The following ALKBH8 variants were observed in gnomAD, a reference collection of about 807,000 sequenced individuals.
The protein encoded by ALKBH8 is tRNA (carboxymethyluridine(34)-5-O)-methyltransferase ALKBH8.
In ALKBH8, 36 loss-of-function variants were observed where a neutral mutation model predicts 59.8. The ratio of observed to expected loss-of-function variants is 0.60; its 90% confidence interval spans 0.46 to 0.79. ALKBH8 has a LOEUF of 0.79. Ranked by LOEUF, ALKBH8 falls within the 30% of genes least tolerant of loss-of-function variation. The probability of loss-of-function intolerance (pLI) is 0.00; values close to 1 mark genes in which losing one functional copy is unlikely to be tolerated. For synonymous variants in ALKBH8, 276 were observed against 273.6 expected, an observed-to-expected ratio of 1.01 and a Z score of -0.09; for missense variants, 768 against 801.0, an observed-to-expected ratio of 0.96 and a Z score of 0.50.
chr11:107,533,369 A>G (rs1328022361), intron 7 of ALKBH8, among the ~76,000 whole-genome samples: 1 of 152,206 alleles, frequency 6.6e-6, no homozygotes, highest in African/African-American at 2.4e-5. Context: ...CAAAGTAAGC[A>G]TTCAATAAAT....
At chr11:107,524,669 G>T (rs1863276131) in intron 9 of ALKBH8, among the ~76,000 whole-genome samples, 1 of 152,028 alleles carries the variant, frequency 6.6e-6, no homozygotes, top group South Asian at 2.1e-4. Flanking sequence ...GTAACATCAG[G>T]ATATAAAATA....
intron 2 of ALKBH8, among the ~76,000 whole-genome samples, chr11:107,560,131 C>T (rs1208554318): frequency 6.6e-6 from 1 of 152,140 alleles, no homozygotes. Context: ...GATACTACTA[C>T]TCGTGTCCAG....
chr11:107,523,213 C>T (rs184228104), intron 9 of ALKBH8, among the ~76,000 whole-genome samples: 11 of 152,188 alleles, frequency 7.2e-5, no homozygotes, highest in African/African-American at 2.6e-4. Context: ...AATCAAAGTG[C>T]CTATCAGTGA....
At chr11:107,512,068 T>C (rs1031133321) in intron 10 of ALKBH8, among the ~76,000 whole-genome samples, 5 of 152,166 alleles carry the variant, frequency 3.3e-5, no homozygotes, top group African/African-American at 4.8e-5. Context: ...AGGTGAGACC[T>C]AGCATGCCTT....
Position 107,504,770 on chromosome 11 carries a change from T to C in ALKBH8, c.1883A>G (p.His628Arg), listed in dbSNP as rs1036778819. 9 of 1,551,874 alleles carry C rather than the reference T, an allele frequency of 5.8e-6. No homozygotes were observed. The South Asian group carries it at 8.3e-5, about 14-fold the overall frequency. ...TTCCAGTTCTCCCTCACGGAACACA[T>C]GGTAGTAACGATGAAACACAGGACT... ...DPSPVFHRYY[H>R]VFREGELEGA... The change falls in exon 12 of 12, where the codon CAT (histidine) becomes CGT (arginine). Residue 628 changes from histidine (H) to arginine (R), a missense_variant. Physicochemically the swap from His to Arg is conservative, Grantham distance 29. Transcript: ENST00000428149.
At chr11:107,507,053 T>C (rs1432293565) in intron 11 of ALKBH8, among the ~76,000 whole-genome samples, 1 of 152,114 alleles carries the variant, frequency 6.6e-6, no homozygotes, top group Non-Finnish European at 1.5e-5. Flanking sequence ...CATGTTGTCA[T>C]GTCTAGGGTA....
In ALKBH8 at chr11:107,548,457, GAGA is replaced by G. The variant is rs796784184; in HGVS notation, c.771+1293_771+1295del. 3.2e-4 allele frequency among the ~76,000 whole-genome samples: 48 copies of G among 152,346 alleles called. 1 individual carries two copies. The highest frequency in any genetic ancestry group is 1.0e-3 in the African/African-American group (42 of 41,580). ...TTGGTTACACAGTTGGGAGGAAAATGAGAAGATGTCCTTTACTGGTCCCTAAAG... is the reference window on the plus strand; with the variant it reads ...TTGGTTACACAGTTGGGAGGAAAATGAGATGTCCTTTACTGGTCCCTAAAG... On this transcript the variant is annotated intron_variant, in intron 7 of 11. Coordinates refer to ENST00000428149, the MANE Select transcript of ALKBH8 (RefSeq NM_138775.3).
intron 7 of ALKBH8, among the ~76,000 whole-genome samples, chr11:107,533,995 T>C (rs1231507240): frequency 1.3e-5 from 2 of 152,072 alleles, no homozygotes; most frequent in Admixed American, 1.3e-4. Flanking sequence ...CCGGGCATAG[T>C]GGTGGGCACC....
rs1196645627 is a variant in ALKBH8 at position 107,556,853 on chromosome 11, T to G, written c.280A>C (p.Lys94Gln). The G allele has an allele frequency of 6.3e-7, 1 of 1,598,956 alleles. No individual in the cohort carries two copies. Among genetic ancestry groups the G allele is most frequent in the Admixed American group, 1.7e-5 (1 of 58,028 alleles). ...FARYRTTEES[K>Q]RAYVTLNGKE... ...CCATTGAGGGTAACATAGGCTCTCT[T>G]AGATTCTTCTGTAGTTCTGTATCTT... Residue 94 changes from lysine to glutamine, a missense_variant, in exon 3 of 12, where the codon AAG (lysine) becomes CAG (glutamine). Coordinates refer to ENST00000428149, the MANE Select transcript of ALKBH8 (RefSeq NM_138775.3).
chr11:107,562,023 G>A (rs1864956220), intron 1 of ALKBH8, among the ~76,000 whole-genome samples: 2 of 152,136 alleles, frequency 1.3e-5, no homozygotes, highest in Admixed American at 1.3e-4. Context: ...GATGGATGTG[G>A]GCTGGGAGCA....
At position 107,536,511 on chromosome 11, in the gene ALKBH8, A is replaced by G. The variant is rs568942461; in HGVS notation, c.772-4105T>C. 3.3e-5 allele frequency among the ~76,000 whole-genome samples: 5 copies of G among 152,350 alleles called. No individual in the cohort carries two copies. The East Asian group carries it at 7.7e-4, about 24-fold the overall frequency. On this transcript the variant is annotated intron_variant, in intron 7 of 11. Coordinates refer to ENST00000428149, the MANE Select transcript of ALKBH8 (RefSeq NM_138775.3). Reference sequence around the variant, plus strand: ...ATGAAAGTTGATCACTTATTGTGATATAATAGCATAAACAAAGGTCTAAAA... The same window carrying G: ...ATGAAAGTTGATCACTTATTGTGATGTAATAGCATAAACAAAGGTCTAAAA...
At chr11:107,530,827 T>C (rs1214457645) in intron 8 of ALKBH8, among the ~76,000 whole-genome samples, 2 of 152,220 alleles carry the variant, frequency 1.3e-5, no homozygotes, top group Non-Finnish European at 2.9e-5. Context: ...TAACATGCTT[T>C]CAGTAAGACA....
intron 7 of ALKBH8, among the ~76,000 whole-genome samples, chr11:107,543,966 G>A (rs1373840946): frequency 6.6e-6 from 1 of 152,140 alleles, no homozygotes; most frequent in Non-Finnish European, 1.5e-5. Flanking sequence ...ACAAAATATT[G>A]ATGAGTGAAT....
intron 7 of ALKBH8, among the ~76,000 whole-genome samples, chr11:107,546,920 T>C (rs1864282959): frequency 6.6e-6 from 1 of 152,104 alleles, no homozygotes; most frequent in Admixed American, 6.5e-5. Flanking sequence ...TAATAAAGCA[T>C]TGAAGAATTA....
intron 8 of ALKBH8, among the ~76,000 whole-genome samples, chr11:107,530,650 G>T (rs1403256369): frequency 8.2e-6 from 1 of 121,790 alleles, no homozygotes; most frequent in East Asian, 3.2e-4. Context: ...CACACACACA[G>T]AGTGATGTTA....
At chr11:107,544,875 A>G (rs1404270889) in intron 7 of ALKBH8, among the ~76,000 whole-genome samples, 1 of 151,524 alleles carries the variant, frequency 6.6e-6, no homozygotes, top group Non-Finnish European at 1.5e-5. Flanking sequence ...AAGGAGAAAT[A>G]CACACCCACC....
rs1862307588 is a variant in ALKBH8 at position 107,504,797 on chromosome 11, G to A, written c.1856C>T (p.Pro619Leu). The change falls in exon 12 of 12, where the codon CCA becomes CTA. Residue 619 changes from proline to leucine, a missense_variant. Transcript: ENST00000428149. ...GTAGTAACGATGAAACACAGGACTT[G>A]GGTCCTGGGATCCTATGGGACCAAA... is the stretch of plus-strand genomic sequence containing the variant. ...EPFGPIGSQD[P>L]SPVFHRYYHV... 3.9e-6 allele frequency: 6 copies of A among 1,551,798 alleles called. No homozygotes were observed. Among genetic ancestry groups the A allele is most frequent in the Admixed American group, 2.0e-5 (1 of 50,978 alleles).
intron 7 of ALKBH8, among the ~76,000 whole-genome samples, chr11:107,547,453 C>T (rs1041361985): frequency 1.3e-5 from 2 of 152,188 alleles, no homozygotes; most frequent in African/African-American, 4.8e-5. Context: ...AGAACAGATA[C>T]ACCTGAAGGA....
chr11:107,526,605 C>T (rs1005734972), intron 8 of ALKBH8, among the ~76,000 whole-genome samples: 6 of 151,764 alleles, frequency 4.0e-5, no homozygotes, highest in Admixed American at 3.9e-4. Context: ...TTTATTATTT[C>T]TTAATAGTGT....
Sources: gnomAD v4.1 joint callset for allele counts (sites outside exome capture counted in the v4.1 genomes callset) on GRCh38, gnomAD v4.1.1 for gene constraint, MANE v1.5 for transcripts, NCBI Gene and HGNC (gene_info 2026-07-23, HGNC 2026-07-21) for gene names.